Variants in WTAP observed in about 807,000 individuals in gnomAD.
WTAP encodes WT1 associated protein, also known as pre-mRNA-splicing regulator WTAP.
In WTAP, 8 loss-of-function variants were observed where a neutral mutation model predicts 50.0. The observed-to-expected ratio is 0.16, with a 90% CI of 0.09 to 0.29. The LOEUF is 0.29. WTAP is among the 10% of genes least tolerant of loss of function. The probability of loss-of-function intolerance (pLI) is 1.00; values close to 1 mark genes in which losing one functional copy is unlikely to be tolerated. For synonymous variants in WTAP, 194 were observed against 169.0 expected, an observed-to-expected ratio of 1.15 and a Z score of -1.15; for missense variants, 295 against 470.7, an observed-to-expected ratio of 0.63 and a Z score of 3.45.
upstream of WTAP, chr6:159,727,276 C>G (rs1232247571): frequency 5.5e-6 from 7 of 1,282,968 alleles, no homozygotes; most frequent in Non-Finnish European, 7.1e-6. Context: ...CTTTCCTCTC[C>G]TGGCGGGGTT....
At chr6:159,735,582 C>G (rs1355755667) in intron 1 of WTAP, among the ~76,000 whole-genome samples, 1 of 152,074 alleles carries the variant, frequency 6.6e-6, no homozygotes, top group Non-Finnish European at 1.5e-5. Context: ...AACCCCGTCT[C>G]TACTAAAAAT....
rs1583055464 is a variant in WTAP at position 159,727,589 on chromosome 6, G to T, written c.-123G>T. 4.1e-6 allele frequency: 4 copies of T among 986,932 alleles called. No individual in the cohort carries two copies. The highest frequency in any genetic ancestry group is 1.1e-4 in the East Asian group (1 of 8,812). 61.1% of individuals were successfully genotyped at this position (986,932 alleles called of 1,614,324 possible). On this transcript the variant is annotated 5_prime_UTR_variant, in exon 1 of 8. Coordinates refer to ENST00000621533, the MANE Select transcript of WTAP (RefSeq NM_001270531.2). Reference sequence around the variant, plus strand: ...GCGGCGGGACTAGGAGCGCGGCGGGGCCGGCGGCAGAGCTGTCCGGCTGCG... The same window carrying T: ...GCGGCGGGACTAGGAGCGCGGCGGGTCCGGCGGCAGAGCTGTCCGGCTGCG...
chr6:159,746,315 G>A (rs988764574), intron 5 of WTAP, among the ~76,000 whole-genome samples: 3 of 152,196 alleles, frequency 2.0e-5, no homozygotes, highest in African/African-American at 7.2e-5. Context: ...TGGTTGAAAG[G>A]ATTGGCCCTG....
At chr6:159,753,429 A>C in intron 6 of WTAP, 31 bp from the exon 7 acceptor site, 1 of 1,614,070 alleles carries the variant, frequency 6.2e-7, no homozygotes, top group Non-Finnish European at 8.5e-7. Context: ...TTTTGTCTTC[A>C]TTTTGTGATG....
At chr6:159,743,638 A>T in intron 4 of WTAP, 27 bp from the exon 5 acceptor site, 1 of 1,570,174 alleles carries the variant, frequency 6.4e-7, no homozygotes. Flanking sequence ...TTAAAATTGT[A>T]TTTATAATTT....
chr6:159,734,536 G>A (rs1185338854), intron 1 of WTAP, among the ~76,000 whole-genome samples: 1 of 152,184 alleles, frequency 6.6e-6, no homozygotes, highest in East Asian at 1.9e-4. Flanking sequence ...CTAGGGCTGG[G>A]CGTGATCCTT....
At chr6:159,747,072 T>G (rs551593889) in intron 5 of WTAP, among the ~76,000 whole-genome samples, 5 of 152,330 alleles carry the variant, frequency 3.3e-5, no homozygotes, top group African/African-American at 1.2e-4. Context: ...CCCAAACCAC[T>G]TAGTATATTT....
chr6:159,742,234 TG>T, intron 4 of WTAP, 88 bp downstream of exon 4: 3 of 1,193,232 alleles, frequency 2.5e-6, no homozygotes, highest in Non-Finnish European at 3.6e-6. Flanking sequence ...TTAAAGCAAA[TG>T]TAATTTTTCT....
Position 159,727,554 on chromosome 6 carries a change from C to G in WTAP, c.-158C>G, listed in dbSNP as rs1258833689. Reference sequence around the variant, plus strand: ...AGCGAGACCCACAAATAAAGGGGAGCGCAGGGGTTGCGGCGGGACTAGGAG... The same window carrying G: ...AGCGAGACCCACAAATAAAGGGGAGGGCAGGGGTTGCGGCGGGACTAGGAG... On this transcript the variant is annotated 5_prime_UTR_variant, in exon 1 of 8. Transcript: ENST00000621533. The G allele has an allele frequency of 7.1e-6, 7 of 988,612 alleles. No homozygotes were observed. Among genetic ancestry groups the G allele is most frequent in the Non-Finnish European group, 7.2e-6 (6 of 832,654 alleles). 61.2% of individuals were successfully genotyped at this position (988,612 alleles called of 1,614,324 possible).
chr6:159,752,736 T>C (rs563176504), intron 6 of WTAP, among the ~76,000 whole-genome samples: 2 of 152,206 alleles, frequency 1.3e-5, no homozygotes, highest in African/African-American at 2.4e-5. Context: ...GGAAGATGGA[T>C]GTACCAGAAA....
chr6:159,728,310 T>C (rs1778346270), intron 1 of WTAP, among the ~76,000 whole-genome samples: 1 of 152,186 alleles, frequency 6.6e-6, no homozygotes. Context: ...GTACACGTAA[T>C]GGAAAAGCCC....
intron 4 of WTAP, 53 bp downstream of exon 4, chr6:159,742,199 A>C (rs1779298821): frequency 7.0e-7 from 1 of 1,427,920 alleles, no homozygotes; most frequent in Non-Finnish European, 9.6e-7. Context: ...TTTGATTGTT[A>C]AAATCAAAAG....
rs181566690 is a variant in WTAP, at chr6:159,748,561, T to G, written c.452+192T>G. 3 of 1,354,310 alleles carry G rather than the reference T, an allele frequency of 2.2e-6. No individual in the cohort carries two copies. Among genetic ancestry groups the G allele is most frequent in the Non-Finnish European group, 2.9e-6 (3 of 1,050,886 alleles). The allele number at this position is 1,354,310 out of a possible 1,614,324, so 83.9% of individuals were successfully genotyped here. On this transcript the variant is annotated intron_variant, in intron 6 of 7. Coordinates refer to ENST00000621533, the MANE Select transcript of WTAP (RefSeq NM_001270531.2). The surrounding 1 kb of genome is among the most constrained non-coding windows in gnomAD (Gnocchi z 5.6). ...ACCAGATGAACCTTGTGTTTCAGCTTTTTTCTTTTCCCCTTCCCCTTGCTT... is the reference window on the plus strand; with the variant it reads ...ACCAGATGAACCTTGTGTTTCAGCTGTTTTCTTTTCCCCTTCCCCTTGCTT...
At chr6:159,752,062 C>CAA (rs60854821) in intron 6 of WTAP, among the ~76,000 whole-genome samples, 26 of 94,996 alleles carry the variant, frequency 2.7e-4, no homozygotes, top group African/African-American at 1.2e-4. Flanking sequence ...ACCCCCATCT[C>CAA]AAAAAAAAAA....
chr6:159,739,450 A>T (rs991455405), intron 3 of WTAP, among the ~76,000 whole-genome samples: 1 of 152,274 alleles, frequency 6.6e-6, no homozygotes, highest in East Asian at 1.9e-4. Flanking sequence ...CTCATCTGTA[A>T]GTTGAAGAGG....
Position 159,755,760 on chromosome 6 carries a change from CTTTTCTTTTTTTTTTT to C in WTAP, c.*154_*169del. Reference sequence around the variant, plus strand: ...TGTTTTTTTTCTTTGTTTTTTTTTTCTTTTCTTTTTTTTTTTTTTTTTTTTTTTTTGCTTCAATACT... The same window carrying C: ...TGTTTTTTTTCTTTGTTTTTTTTTTCTTTTTTTTTTTTTTGCTTCAATACT... On this transcript the variant is annotated 3_prime_UTR_variant, in exon 8 of 8. Coordinates refer to ENST00000621533, the MANE Select transcript of WTAP (RefSeq NM_001270531.2). The C allele has an allele frequency of 3.5e-6, 1 of 281,890 alleles. No individual in the cohort carries two copies. Among genetic ancestry groups the C allele is most frequent in the South Asian group, 2.0e-4 (1 of 5,104 alleles). The allele number at this position is 281,890 out of a possible 1,614,324, so 17.5% of individuals were successfully genotyped here. A position where few individuals can be genotyped will look rare whatever the true frequency, so the allele number is the denominator to read the frequency against.
intron 1 of WTAP, among the ~76,000 whole-genome samples, chr6:159,729,232 C>A (rs181331680): frequency 6.6e-6 from 1 of 152,256 alleles, no homozygotes; most frequent in Non-Finnish European, 1.5e-5. Flanking sequence ...TTGCTTCTTG[C>A]TCCTCAAAAT....
At chr6:159,730,233 G>A (rs1409799383) in intron 1 of WTAP, among the ~76,000 whole-genome samples, 1 of 152,134 alleles carries the variant, frequency 6.6e-6, no homozygotes, top group African/African-American at 2.4e-5. Flanking sequence ...ACTTTGAAAA[G>A]TGCTGTTATT....
chr6:159,745,798 G>A (rs1328058606), intron 5 of WTAP, among the ~76,000 whole-genome samples: 1 of 152,154 alleles, frequency 6.6e-6, no homozygotes, highest in Non-Finnish European at 1.5e-5. Context: ...CCAATTGTGA[G>A]GCTGTTAAAA....
Sources: gnomAD v4.1 joint callset for allele counts (sites outside exome capture counted in the v4.1 genomes callset) on GRCh38, gnomAD v4.1.1 for gene constraint, Gnocchi (gnomAD v3.1) non-coding constraint, MANE v1.5 for transcripts, NCBI Gene and HGNC (gene_info 2026-07-23, HGNC 2026-07-21) for gene names.